Variants in DIAPH3 observed in about 807,000 individuals in gnomAD.
DIAPH3 encodes protein diaphanous homolog 3.
A neutral mutation model predicts 144.3 loss-of-function variants in DIAPH3; 117 were observed. That is an observed-to-expected ratio of 0.81 (90% confidence interval 0.70 to 0.95). The LOEUF (loss-of-function observed/expected upper bound fraction) is 0.95, where lower values mean the gene tolerates loss of function less well. DIAPH3 is among the 40% of genes least tolerant of loss of function. The pLI is 0.00. For missense variants in DIAPH3, 1,421 were observed against 1,412.7 expected (o/e 1.01, Z -0.09); for synonymous variants, 519 against 488.9 (o/e 1.06, Z -0.81).
intron 24 of DIAPH3, among the ~76,000 whole-genome samples, chr13:59,818,456 G>T (rs1011089299): frequency 4.0e-5 from 6 of 151,560 alleles, no homozygotes; most frequent in Non-Finnish European, 8.9e-5. Flanking sequence ...TGTTGCTTTG[G>T]GGGTCATATC....
chr13:59,671,939 G>T (rs1336304277), intron 27 of DIAPH3, among the ~76,000 whole-genome samples: 1 of 152,120 alleles, frequency 6.6e-6, no homozygotes, highest in Non-Finnish European at 1.5e-5. Flanking sequence ...GCAGAGTATA[G>T]ATTTGGATGA....
At chr13:59,688,318 G>A (rs1230853928) in intron 27 of DIAPH3, among the ~76,000 whole-genome samples, 5 of 151,948 alleles carry the variant, frequency 3.3e-5, no homozygotes, top group African/African-American at 9.7e-5. Context: ...TATTAAAAAT[G>A]TCTCTAGACT....
intron 26 of DIAPH3, 101 bp downstream of exon 26, chr13:59,774,627 C>T (rs2038298706): frequency 9.0e-7 from 1 of 1,107,362 alleles, no homozygotes; most frequent in Non-Finnish European, 1.4e-6. Flanking sequence ...TTGCCCACGG[C>T]ACTGCATTCT....
intron 27 of DIAPH3, among the ~76,000 whole-genome samples, chr13:59,667,233 C>A (rs1405700908): frequency 6.6e-6 from 1 of 152,188 alleles, no homozygotes; most frequent in Non-Finnish European, 1.5e-5. Context: ...CTCTATCCTT[C>A]CCCGTCATGT....
At chr13:59,873,021 A>G (rs2044372460) in intron 21 of DIAPH3, among the ~76,000 whole-genome samples, 1 of 152,214 alleles carries the variant, frequency 6.6e-6, no homozygotes, top group Non-Finnish European at 1.5e-5. Context: ...CAAAAACGCT[A>G]TTTAGAAAAG....
chr13:59,666,373 A>AAAT lies in DIAPH3; in HGVS notation c.*210_*211insATT. The AAAT allele has an allele frequency of 6.9e-6, 3 of 435,684 alleles. No individual in the cohort carries two copies. The highest frequency in any genetic ancestry group is 1.2e-5 in the Non-Finnish European group (3 of 256,050). 27.0% of individuals were successfully genotyped at this position (435,684 alleles called of 1,614,324 possible). A position where few individuals can be genotyped will look rare whatever the true frequency, so the allele number is the denominator to read the frequency against. The stretch of plus-strand genomic sequence containing the variant: ...ACCAGGAGACAAAAAAAAAAAAAAA[A>AAAT]GGATTAAAGCCCGGTACAATCTTGA... On this transcript the variant is annotated 3_prime_UTR_variant, in exon 28 of 28. Coordinates refer to ENST00000400324, the MANE Select transcript of DIAPH3 (RefSeq NM_001042517.2).
At chr13:59,984,921 G>A (rs2051295145) in intron 12 of DIAPH3, among the ~76,000 whole-genome samples, 1 of 102,442 alleles carries the variant, frequency 9.8e-6, no homozygotes, top group Non-Finnish European at 1.9e-5. Context: ...CATTCCTTCT[G>A]AAACTATTCC....
At chr13:60,051,794 G>A (rs1313945773) in intron 4 of DIAPH3, among the ~76,000 whole-genome samples, 1 of 152,166 alleles carries the variant, frequency 6.6e-6, no homozygotes, top group Non-Finnish European at 1.5e-5. Flanking sequence ...ATTAGAAAGT[G>A]AGGTATGGCA....
chr13:60,089,490 T>C (rs2057860913), intron 4 of DIAPH3, among the ~76,000 whole-genome samples: 1 of 152,188 alleles, frequency 6.6e-6, no homozygotes, highest in Non-Finnish European at 1.5e-5. Flanking sequence ...TTTTTAAAAA[T>C]AATGAAAATC....
At chr13:59,799,359 A>C (rs1307588104) in intron 25 of DIAPH3, among the ~76,000 whole-genome samples, 1 of 147,496 alleles carries the variant, frequency 6.8e-6, no homozygotes, top group African/African-American at 2.5e-5. Flanking sequence ...CTCTCTACTG[A>C]AATTACTGGA....
At chr13:60,039,386 C>A (rs769249207) in intron 5 of DIAPH3, among the ~76,000 whole-genome samples, 6 of 151,980 alleles carry the variant, frequency 3.9e-5, no homozygotes, top group Non-Finnish European at 7.4e-5. Context: ...TCACTGCAAC[C>A]TCTGCCTCCC....
chr13:59,965,587 A>G (rs1369897037), intron 17 of DIAPH3, among the ~76,000 whole-genome samples: 1 of 152,078 alleles, frequency 6.6e-6, no homozygotes, highest in Non-Finnish European at 1.5e-5. Context: ...TTTTGATGAT[A>G]CCAAATGTTC....
At chr13:59,802,664 A>ATTT (rs71197279) in intron 25 of DIAPH3, among the ~76,000 whole-genome samples, 797 of 32,356 alleles carry the variant, frequency 0.025, 100 homozygotes, top group Non-Finnish European at 0.031. Context: ...TATTATTATT[A>ATTT]TTATTTTTTT....
At chr13:59,993,801 T>A (rs965855097) in intron 9 of DIAPH3, among the ~76,000 whole-genome samples, 3 of 151,156 alleles carry the variant, frequency 2.0e-5, no homozygotes, top group African/African-American at 7.3e-5. Flanking sequence ...TTAAAATGTT[T>A]TCCTTCCACC....
At position 60,145,076 on chromosome 13, in the gene DIAPH3, T is replaced by C. The variant is rs187879142; in HGVS notation, c.181-12087A>G. On this transcript the variant is annotated intron_variant, in intron 1 of 27. Transcript: ENST00000400324. ...CGATTACTAGTATACCCAGCAACCC[T>C]AAAAACTCGCTATTATCCCCATCTT... 5.5e-3 allele frequency among the ~76,000 whole-genome samples: 836 copies of C among 152,214 alleles called. 3 individuals are homozygous for C. Among genetic ancestry groups the C allele is most frequent in the Admixed American group, 8.2e-3 (125 of 15,290 alleles).
At chr13:60,046,455 T>C (rs2056071408) in intron 4 of DIAPH3, among the ~76,000 whole-genome samples, 1 of 152,124 alleles carries the variant, frequency 6.6e-6, no homozygotes, top group Non-Finnish European at 1.5e-5. Context: ...ATGGCGATCA[T>C]TAAAAAGTCA....
At chr13:60,019,355 A>G (rs2053856310) in intron 5 of DIAPH3, among the ~76,000 whole-genome samples, 1 of 152,210 alleles carries the variant, frequency 6.6e-6, no homozygotes, top group Non-Finnish European at 1.5e-5. Flanking sequence ...ATAAATATGC[A>G]CGTTTCTTCT....
intron 9 of DIAPH3, among the ~76,000 whole-genome samples, chr13:60,007,208 T>G (rs2140928109): frequency 6.6e-6 from 1 of 152,128 alleles, no homozygotes; most frequent in East Asian, 1.9e-4. Flanking sequence ...CCTGCCATCA[T>G]GCCCGGCTAA....
At chr13:59,841,738 G>A (rs2042358977) in intron 22 of DIAPH3, among the ~76,000 whole-genome samples, 5 of 152,128 alleles carry the variant, frequency 3.3e-5, no homozygotes, top group Admixed American at 3.3e-4. Flanking sequence ...AAAAATAATA[G>A]TAATGGTAAT....
Sources: gnomAD v4.1 joint callset for allele counts (sites outside exome capture counted in the v4.1 genomes callset) on GRCh38, gnomAD v4.1.1 for gene constraint, MANE v1.5 for transcripts, NCBI Gene and HGNC (gene_info 2026-07-23, HGNC 2026-07-21) for gene names.